Variants in GRID2 observed in about 807,000 individuals in gnomAD.
The protein encoded by GRID2 is glutamate receptor ionotropic, delta-2.
In GRID2, 33 loss-of-function variants were observed where a neutral mutation model predicts 114.8. The ratio of observed to expected loss-of-function variants is 0.29; its 90% confidence interval spans 0.22 to 0.38. The LOEUF (loss-of-function observed/expected upper bound fraction) is 0.38. Among genes scored for constraint, GRID2 ranks in the 10% least tolerant of loss-of-function variants. The pLI is 1.00. For missense variants in GRID2, 1,184 were observed against 1,257.7 expected, an observed-to-expected ratio of 0.94 and a Z score of 0.89; for synonymous variants, 505 against 449.9, an observed-to-expected ratio of 1.12 and a Z score of -1.55.
chr4:93,709,439 T>C (rs1728294882), intron 14 of GRID2, among the ~76,000 whole-genome samples: 1 of 152,184 alleles, frequency 6.6e-6, no homozygotes, highest in Non-Finnish European at 1.5e-5. Context: ...TTTTCCACTG[T>C]GAAACCAGAT....
chr4:93,746,903 A>G (rs1731888537), intron 14 of GRID2, among the ~76,000 whole-genome samples: 1 of 152,108 alleles, frequency 6.6e-6, no homozygotes, highest in Non-Finnish European at 1.5e-5. Context: ...TTATAGATAT[A>G]AGTGTTTTGG....
At chr4:93,065,543 C>G (rs925638814) in intron 2 of GRID2, among the ~76,000 whole-genome samples, 1 of 151,822 alleles carries the variant, frequency 6.6e-6, no homozygotes, top group African/African-American at 2.4e-5. Context: ...CAAGTTTGAT[C>G]TCTTTCTGAA....
intron 2 of GRID2, among the ~76,000 whole-genome samples, chr4:92,603,934 A>G (rs551232533): frequency 6.6e-6 from 1 of 152,294 alleles, no homozygotes; most frequent in African/African-American, 2.4e-5. Context: ...AAAACATGAA[A>G]AAAAGCTCAA....
chr4:93,772,197 A>G lies in GRID2; in HGVS notation c.2723A>G (p.Asp908Gly), dbSNP rs1436519470. Residue 908 changes from aspartate (D) to glycine (G), a missense_variant, in exon 16 of 16, where the codon GAC becomes GGC. Physicochemically the swap from Asp to Gly is moderately conservative, Grantham distance 94. Transcript: ENST00000282020. ...SSIDLTPLDI[D>G]TLPTRQALEQ... ...ATTGATTTGACCCCTCTGGACATTG[A>G]CACTTTGCCAACACGACAAGCACTG... 6.2e-7 allele frequency: 1 copy of G among 1,614,022 alleles called. No homozygotes were observed. The highest frequency in any genetic ancestry group is 1.1e-5 in the South Asian group (1 of 91,080).
chr4:92,321,107 A>G (rs1304520843), intron 1 of GRID2, among the ~76,000 whole-genome samples: 1 of 152,222 alleles, frequency 6.6e-6, no homozygotes, highest in Non-Finnish European at 1.5e-5. Flanking sequence ...TTCTTTAGTT[A>G]CATTTTCTCT....
chr4:93,719,407 T>C (rs972392294), intron 14 of GRID2, among the ~76,000 whole-genome samples: 24 of 152,126 alleles, frequency 1.6e-4, no homozygotes, highest in Non-Finnish European at 2.2e-4. Context: ...CAAGGGACTT[T>C]TTTTTTTAAG....
chr4:92,797,589 A>C (rs1739950148), intron 2 of GRID2, among the ~76,000 whole-genome samples: 2 of 152,004 alleles, frequency 1.3e-5, no homozygotes, highest in South Asian at 4.1e-4. Flanking sequence ...TTAAGTTAAA[A>C]ATTTTAACTT....
intron 1 of GRID2, among the ~76,000 whole-genome samples, chr4:92,537,787 GT>G (rs34583626): frequency 0.024 from 2,472 of 102,516 alleles, 32 homozygotes; most frequent in Middle Eastern, 0.048. Context: ...AACTTGCGGT[GT>G]GTGTGTGTGT....
At chr4:93,048,540 G>T (rs1207210085) in intron 2 of GRID2, among the ~76,000 whole-genome samples, 1 of 151,928 alleles carries the variant, frequency 6.6e-6, no homozygotes, top group African/African-American at 2.4e-5. Flanking sequence ...GCTTAAAAGT[G>T]AATGAGGAAC....
At chr4:93,502,291 C>A (rs1728186328) in intron 12 of GRID2, among the ~76,000 whole-genome samples, 1 of 152,054 alleles carries the variant, frequency 6.6e-6, no homozygotes, top group Admixed American at 6.6e-5. Context: ...TGATCCAATT[C>A]TTCGCTCACT....
chr4:93,809,370 G>A (rs958952766), exon 2 of GRID2: 3 of 152,130 alleles, frequency 2.0e-5, no homozygotes, highest in East Asian at 1.9e-4. Context: ...CCACGATACC[G>A]ATACCCAGCA....
intron 8 of GRID2, among the ~76,000 whole-genome samples, chr4:93,286,275 C>A (rs1182351341): frequency 6.6e-6 from 1 of 151,894 alleles, no homozygotes; most frequent in East Asian, 1.9e-4. Flanking sequence ...AATAAATGAA[C>A]CAATTGTAGC....
At chr4:92,632,122 T>G (rs567641524) in intron 2 of GRID2, among the ~76,000 whole-genome samples, 9 of 152,326 alleles carry the variant, frequency 5.9e-5, no homozygotes, top group Admixed American at 3.9e-4. Context: ...CATTTAAATT[T>G]GAAGACTTTG....
intron 11 of GRID2, among the ~76,000 whole-genome samples, chr4:93,470,842 G>A (rs1233541173): frequency 1.3e-5 from 2 of 151,888 alleles, no homozygotes; most frequent in African/African-American, 4.8e-5. Flanking sequence ...TTAAGTATTA[G>A]CTAAACAGTC....
At chr4:93,647,270 G>A (rs1022482566) in intron 14 of GRID2, among the ~76,000 whole-genome samples, 3 of 152,096 alleles carry the variant, frequency 2.0e-5, no homozygotes, top group Non-Finnish European at 2.9e-5. Context: ...TTCATTATAC[G>A]CTTTTGACTG....
At chr4:93,368,375 T>G (rs1173485741) in intron 8 of GRID2, among the ~76,000 whole-genome samples, 1 of 150,714 alleles carries the variant, frequency 6.6e-6, no homozygotes, top group African/African-American at 2.5e-5. Context: ...TTCTTAACTA[T>G]GGGGATATAG....
At chr4:92,676,170 C>CCCCCCCT (rs1491203329) in intron 2 of GRID2, among the ~76,000 whole-genome samples, 6 of 49,818 alleles carry the variant, frequency 1.2e-4, no homozygotes, top group African/African-American at 2.3e-4. Context: ...CCCCCCCCCC[C>CCCCCCCT]TTTTTTTTTT....
At chr4:93,256,040 T>C (rs183707095) in intron 8 of GRID2, among the ~76,000 whole-genome samples, 14 of 152,248 alleles carry the variant, frequency 9.2e-5, no homozygotes, top group East Asian at 3.9e-4. Context: ...CATGCTTTTC[T>C]CTTGAAAACC....
intron 3 of GRID2, among the ~76,000 whole-genome samples, chr4:93,095,715 G>T (rs933033965): frequency 6.6e-6 from 1 of 151,708 alleles, no homozygotes; most frequent in African/African-American, 2.4e-5. Context: ...AGACATTTAC[G>T]CTAAAAATTA....
Sources: allele counts gnomAD v4.1 joint callset (sites outside exome capture counted in the v4.1 genomes callset), GRCh38; gene constraint gnomAD v4.1.1; transcripts MANE v1.5; gene names NCBI Gene and HGNC (gene_info 2026-07-23, HGNC 2026-07-21).